Variants in TAFA2 observed in about 807,000 individuals in gnomAD.
The protein encoded by TAFA2 is chemokine-like protein TAFA-2.
TAFA2 carries 7 observed loss-of-function variants against 18.8 expected under a neutral mutation model. That is an observed-to-expected ratio of 0.37 (90% CI 0.21 to 0.70). The LOEUF (loss-of-function observed/expected upper bound fraction) is 0.70. Ranked by LOEUF, TAFA2 falls within the 30% of genes least tolerant of loss-of-function variation. The probability of loss-of-function intolerance (pLI) is 0.53; values close to 1 mark genes in which losing one functional copy is unlikely to be tolerated. For missense variants in TAFA2, 122 were observed against 158.1 expected, an observed-to-expected ratio of 0.77 and a Z score of 1.23; for synonymous variants, 60 against 54.2, an observed-to-expected ratio of 1.11 and a Z score of -0.47.
intron 1 of TAFA2, among the ~76,000 whole-genome samples, chr12:61,930,647 C>G (rs541456749): frequency 3.3e-5 from 5 of 152,298 alleles, no homozygotes; most frequent in South Asian, 2.1e-4. Context: ...ATAGAGCAAC[C>G]ATTTATATAT....
chr12:61,811,090 A>C lies in TAFA2; in HGVS notation c.107-56066T>G, dbSNP rs548871728. 5.3e-5 allele frequency among the ~76,000 whole-genome samples: 8 copies of C among 151,462 alleles called. No individual in the cohort carries two copies. In the South Asian group the frequency reaches 8.3e-4, roughly 16 times the overall value. On this transcript the variant is annotated intron_variant, in intron 2 of 4. Transcript: ENST00000416284. ...TATTAATGTTATATAACTTATATCTAAATAAAAATAAGCGTTCCTTAAAAA... is the reference window on the plus strand; with the variant it reads ...TATTAATGTTATATAACTTATATCTCAATAAAAATAAGCGTTCCTTAAAAA...
chr12:61,908,259 C>A (rs11174234), intron 1 of TAFA2, among the ~76,000 whole-genome samples: 38,176 of 151,980 alleles, frequency 0.25, 5,220 homozygotes, highest in East Asian at 0.44. Context: ...TGGGAGGGAC[C>A]CAGTGGGAGG....
At chr12:61,987,967 A>T (rs549906365) in intron 1 of TAFA2, among the ~76,000 whole-genome samples, 1 of 152,352 alleles carries the variant, frequency 6.6e-6, no homozygotes, top group Admixed American at 6.5e-5. Context: ...ATTATAAATT[A>T]TCACCACAAT....
At chr12:61,720,793 C>T (rs1398322265) in intron 4 of TAFA2, 27 of 432,072 alleles carry the variant, frequency 6.2e-5, no homozygotes, top group South Asian at 3.2e-4. Context: ...CACTAGGATT[C>T]GCCACAACTA....
At chr12:61,895,870 G>A (rs114482180) in intron 1 of TAFA2, among the ~76,000 whole-genome samples, 157 of 152,102 alleles carry the variant, frequency 1.0e-3, no homozygotes, top group Middle Eastern at 0.01. Context: ...CAGTAATCTA[G>A]TATCCTAAAG....
At chr12:62,020,998 T>C (rs189716975) in intron 1 of TAFA2, among the ~76,000 whole-genome samples, 69 of 152,356 alleles carry the variant, frequency 4.5e-4, no homozygotes, top group African/African-American at 1.5e-3. Context: ...TGTCCATGGC[T>C]GCTTTTGTGA....
chr12:61,903,795 C>T (rs1222090558), intron 1 of TAFA2, among the ~76,000 whole-genome samples: 1 of 152,124 alleles, frequency 6.6e-6, no homozygotes, highest in African/African-American at 2.4e-5. Flanking sequence ...AATGCAATTG[C>T]ACTCACAAAG....
intron 4 of TAFA2, among the ~76,000 whole-genome samples, chr12:61,731,754 G>A (rs1175140650): frequency 6.6e-6 from 1 of 152,058 alleles, no homozygotes; most frequent in Non-Finnish European, 1.5e-5. Context: ...TGAGGACACG[G>A]AACCTCAGAA....
At chr12:62,110,773 T>C (rs1869693904) in intron 1 of TAFA2, among the ~76,000 whole-genome samples, 1 of 152,134 alleles carries the variant, frequency 6.6e-6, no homozygotes, top group South Asian at 2.1e-4. Flanking sequence ...CAAGTTTCTA[T>C]ACATAGAGGT....
chr12:62,062,010 C>T (rs551829120), intron 1 of TAFA2, among the ~76,000 whole-genome samples: 1 of 152,104 alleles, frequency 6.6e-6, no homozygotes, highest in Non-Finnish European at 1.5e-5. Context: ...CCCATGTCTA[C>T]TAAAAATACA....
intron 1 of TAFA2, chr12:62,070,613 CT>C (rs1214979187): frequency 3.3e-5 from 5 of 152,150 alleles, no homozygotes; most frequent in African/African-American, 7.2e-5. Flanking sequence ...TCAGAGTGAT[CT>C]GATAACAAAT....
At chr12:62,035,866 G>A (rs558470051) in intron 1 of TAFA2, among the ~76,000 whole-genome samples, 138 of 146,474 alleles carry the variant, frequency 9.4e-4, no homozygotes, top group African/African-American at 3.4e-3. Context: ...CTCAGCCTCC[G>A]GTGTAGCTGG....
intron 1 of TAFA2, among the ~76,000 whole-genome samples, chr12:62,121,526 C>G (rs1490537666): frequency 6.6e-6 from 1 of 152,040 alleles, no homozygotes; most frequent in Non-Finnish European, 1.5e-5. Flanking sequence ...TAAACTATAA[C>G]GTGATCTAAA....
At chr12:62,163,815 C>A (rs527864521) in intron 1 of TAFA2, among the ~76,000 whole-genome samples, 1 of 151,576 alleles carries the variant, frequency 6.6e-6, no homozygotes, top group Non-Finnish European at 1.5e-5. Flanking sequence ...AAAAGCTGGA[C>A]AAAGTAAAAA....
chr12:61,818,086 G>A (rs1426674419), intron 2 of TAFA2, among the ~76,000 whole-genome samples: 1 of 152,130 alleles, frequency 6.6e-6, no homozygotes, highest in African/African-American at 2.4e-5. Flanking sequence ...CGGGAGAACA[G>A]AATCCACATC....
At chr12:62,101,591 G>A (rs1210706701) in intron 1 of TAFA2, among the ~76,000 whole-genome samples, 1 of 152,196 alleles carries the variant, frequency 6.6e-6, no homozygotes, top group Non-Finnish European at 1.5e-5. Context: ...AGAACCTTTT[G>A]TGCAGCTTCT....
intron 1 of TAFA2, among the ~76,000 whole-genome samples, chr12:61,943,370 C>T (rs1010522926): frequency 4.0e-5 from 6 of 151,372 alleles, no homozygotes; most frequent in African/African-American, 4.8e-5. Flanking sequence ...TAAAGATCAT[C>T]GAGACTAGGA....
chr12:61,880,316 G>A lies in TAFA2; in HGVS notation c.-1-12890C>T, dbSNP rs533725708. The A allele has an allele frequency of 9.9e-4, 481 of 483,770 alleles. 3 individuals carry two copies. The highest frequency in any genetic ancestry group is 9.1e-3 in the African/African-American group (460 of 50,828). The allele number at this position is 483,770 out of a possible 1,614,324, so 30.0% of individuals were successfully genotyped here. A position where few individuals can be genotyped will look rare whatever the true frequency, so the allele number is the denominator to read the frequency against. ...CCTCAAAGGCCAGAGGGCTTCCCTG[G>A]AGGCCACCATCACAGATGCCGAGAA... is the stretch of plus-strand genomic sequence containing the variant. On this transcript the variant is annotated intron_variant, in intron 1 of 4. Coordinates refer to ENST00000416284, the MANE Select transcript of TAFA2 (RefSeq NM_178539.5).
chr12:61,853,589 C>G (rs1217498492), intron 2 of TAFA2, among the ~76,000 whole-genome samples: 1 of 152,114 alleles, frequency 6.6e-6, no homozygotes, highest in Non-Finnish European at 1.5e-5. Context: ...CTGGAAGCAT[C>G]ACGTCCATCC....
Sources: allele counts gnomAD v4.1 joint callset (sites outside exome capture counted in the v4.1 genomes callset), GRCh38; gene constraint gnomAD v4.1.1; transcripts MANE v1.5; gene names NCBI Gene and HGNC (gene_info 2026-07-23, HGNC 2026-07-21).